Variants in SHISA6 observed in about 807,000 individuals in gnomAD.
SHISA6 encodes protein shisa-6.
Under a neutral mutation model 47.9 loss-of-function variants are expected in SHISA6, and 22 were observed. That is an observed-to-expected ratio of 0.46 (90% CI 0.33 to 0.66). SHISA6 has a LOEUF of 0.66. Among genes scored for constraint, SHISA6 ranks in the 30% least tolerant of loss-of-function variants. SHISA6 has a pLI of 0.02. For missense variants in SHISA6, 680 were observed against 764.6 expected (o/e 0.89, Z 1.30); for synonymous variants, 388 against 337.8 (o/e 1.15, Z -1.63).
At chr17:11,545,957 C>T (rs1356761815) in intron 3 of SHISA6, among the ~76,000 whole-genome samples, 1 of 152,186 alleles carries the variant, frequency 6.6e-6, no homozygotes. Context: ...AAGGTTACTC[C>T]TGCTGTATTC....
intron 3 of SHISA6, among the ~76,000 whole-genome samples, chr17:11,485,575 A>G (rs375850138): frequency 2.6e-5 from 4 of 152,182 alleles, no homozygotes; most frequent in Non-Finnish European, 5.9e-5. Flanking sequence ...GCTCTGGCCA[A>G]CGTAGACGGC....
chr17:11,443,754 T>G (rs1244418766), intron 3 of SHISA6, among the ~76,000 whole-genome samples: 2 of 152,184 alleles, frequency 1.3e-5, no homozygotes, highest in Non-Finnish European at 2.9e-5. Context: ...GGTATTAAGA[T>G]TATTAAAAAT....
chr17:11,391,941 T>A (rs1235255602), intron 3 of SHISA6, among the ~76,000 whole-genome samples: 1 of 152,170 alleles, frequency 6.6e-6, no homozygotes. Flanking sequence ...TTCATATCCT[T>A]GTTTACCAGT....
intron 3 of SHISA6, among the ~76,000 whole-genome samples, chr17:11,537,075 A>G (rs1192739388): frequency 6.6e-6 from 1 of 150,608 alleles, no homozygotes; most frequent in Non-Finnish European, 1.5e-5. Context: ...CTGTGTGGGC[A>G]TGACAACCAA....
At chr17:11,292,668 A>G (rs1352118065) in intron 2 of SHISA6, among the ~76,000 whole-genome samples, 6 of 151,818 alleles carry the variant, frequency 4.0e-5, no homozygotes, top group Non-Finnish European at 7.4e-5. Context: ...AGTTTGAGGA[A>G]CCGGAGACCA....
At chr17:11,359,266 A>AT in intron 2 of SHISA6, among the ~76,000 whole-genome samples, 1 of 152,040 alleles carries the variant, frequency 6.6e-6, no homozygotes, top group Non-Finnish European at 1.5e-5. Flanking sequence ...CTATCATCTC[A>AT]TTTTTTCTTA....
chr17:11,554,419 CAGG>C (rs1352616726), intron 4 of SHISA6, among the ~76,000 whole-genome samples: 1 of 152,150 alleles, frequency 6.6e-6, no homozygotes, highest in African/African-American at 2.4e-5. Flanking sequence ...GTAGAAAAGT[CAGG>C]AGTCCCCGGT....
chr17:11,445,061 T>C (rs1192639849), intron 3 of SHISA6, among the ~76,000 whole-genome samples: 1 of 152,194 alleles, frequency 6.6e-6, no homozygotes, highest in Admixed American at 6.5e-5. Context: ...AGATGGCCTT[T>C]GATGAAGCTG....
At chr17:11,410,945 TTCTG>T (rs991666978) in intron 3 of SHISA6, among the ~76,000 whole-genome samples, 8 of 152,074 alleles carry the variant, frequency 5.3e-5, no homozygotes, top group African/African-American at 7.2e-5. Flanking sequence ...AGAAACTCAA[TTCTG>T]TCTATTTTTT....
chr17:11,423,239 G>GTGTATATATATATATATATAA (rs71367331), intron 3 of SHISA6, among the ~76,000 whole-genome samples: 2 of 134,632 alleles, frequency 1.5e-5, no homozygotes, highest in African/African-American at 5.4e-5. Context: ...GTGTGTGTGT[G>GTGTATATATATATATATATAA]TATATATATA....
intron 3 of SHISA6, among the ~76,000 whole-genome samples, chr17:11,482,990 C>T (rs1916257239): frequency 6.6e-6 from 1 of 151,678 alleles, no homozygotes; most frequent in East Asian, 1.9e-4. Flanking sequence ...ATAAAGCAAA[C>T]AGCAAAAAAA....
chr17:11,542,345 A>G (rs890589768), intron 3 of SHISA6, among the ~76,000 whole-genome samples: 1 of 152,090 alleles, frequency 6.6e-6, no homozygotes, highest in South Asian at 2.1e-4. Context: ...AAAAAAAAAA[A>G]AAAGCCTGTC....
rs2071934757 is a variant in SHISA6 at position 11,551,886 on chromosome 17, T to C, written c.896-10T>C. 6.4e-7 allele frequency: 1 copy of C among 1,551,430 alleles called. No individual in the cohort carries two copies. The highest frequency in any genetic ancestry group is 8.7e-7 in the Non-Finnish European group (1 of 1,146,878). On this transcript the variant is annotated splice_polypyrimidine_tract_variant and intron_variant, in intron 3 of 5. Transcript: ENST00000441885. Reference sequence around the variant, plus strand: ...CTCTTCTTTAAAAATTTCTTTTCTATGATTTTCAGGTGATCATCAATATAA... The same window carrying C: ...CTCTTCTTTAAAAATTTCTTTTCTACGATTTTCAGGTGATCATCAATATAA...
At chr17:11,361,086 G>A (rs1002681576) in intron 2 of SHISA6, among the ~76,000 whole-genome samples, 12 of 145,698 alleles carry the variant, frequency 8.2e-5, no homozygotes, top group African/African-American at 2.8e-4. Context: ...CTATTCTTAT[G>A]TCAGTGCTAT....
intron 3 of SHISA6, among the ~76,000 whole-genome samples, chr17:11,454,800 C>T (rs147234237): frequency 1.2e-4 from 19 of 152,302 alleles, no homozygotes; most frequent in Non-Finnish European, 2.5e-4. Flanking sequence ...AATGGGAGAA[C>T]CTTCAGAGCA....
At chr17:11,455,382 G>A (rs1410823143) in intron 3 of SHISA6, among the ~76,000 whole-genome samples, 2 of 152,154 alleles carry the variant, frequency 1.3e-5, no homozygotes, top group Non-Finnish European at 2.9e-5. Context: ...CACAGCAAAC[G>A]TGATGTAAAT....
intron 3 of SHISA6, among the ~76,000 whole-genome samples, chr17:11,474,529 A>G (rs1301570381): frequency 1.3e-5 from 2 of 151,788 alleles, no homozygotes; most frequent in East Asian, 3.9e-4. Context: ...GTGGATTTCC[A>G]GTTGTTCCAG....
intron 3 of SHISA6, among the ~76,000 whole-genome samples, chr17:11,438,444 T>G (rs1159923677): frequency 6.6e-6 from 1 of 152,186 alleles, no homozygotes; most frequent in Non-Finnish European, 1.5e-5. Context: ...AAGATCACTG[T>G]GCCAGCAGTG....
At chr17:11,327,931 C>CTCTCTCTG (rs550613891) in intron 2 of SHISA6, among the ~76,000 whole-genome samples, 1 of 146,492 alleles carries the variant, frequency 6.8e-6, no homozygotes, top group African/African-American at 2.6e-5. Flanking sequence ...GTCTCTCTCT[C>CTCTCTCTG]TCTCTCTGTC....
Sources: allele counts gnomAD v4.1 joint callset (sites outside exome capture counted in the v4.1 genomes callset), GRCh38; gene constraint gnomAD v4.1.1; transcripts MANE v1.5; gene names NCBI Gene and HGNC (gene_info 2026-07-23, HGNC 2026-07-21).